FBLN7: variants seen among roughly 807,000 people sequenced by gnomAD.
FBLN7 encodes the protein fibulin-7.
FBLN7 carries 31 observed loss-of-function variants against 44.0 expected under a neutral mutation model. The observed-to-expected ratio is 0.70, with a 90% confidence interval of 0.53 to 0.95. The LOEUF (loss-of-function observed/expected upper bound fraction) is 0.95, where lower values mean the gene tolerates loss of function less well. Ranked by LOEUF, FBLN7 falls within the 40% of genes least tolerant of loss-of-function variation. FBLN7 has a pLI of 0.00. For missense variants in FBLN7, 573 were observed against 618.5 expected (o/e 0.93, Z 0.78); for synonymous variants, 262 against 253.4 (o/e 1.03, Z -0.32).
intron 3 of FBLN7, among the ~76,000 whole-genome samples, chr2:112,173,650 A>G (rs1375949175): frequency 6.6e-6 from 1 of 152,274 alleles, no homozygotes; most frequent in Non-Finnish European, 1.5e-5. Flanking sequence ...AAACTTACTT[A>G]CGTGAAGTTT....
intron 1 of FBLN7, 70 bp from the exon 2 acceptor site, chr2:112,159,606 G>A: frequency 7.1e-7 from 1 of 1,415,926 alleles, no homozygotes; most frequent in Non-Finnish European, 9.3e-7. Flanking sequence ...GGCGATTTCG[G>A]AAGCTCAGAC....
downstream of FBLN7, chr2:112,189,833 A>G (rs1000395729): frequency 2.0e-5 from 3 of 152,248 alleles, no homozygotes; most frequent in Non-Finnish European, 4.4e-5. Context: ...TCTAAAAGAC[A>G]ACTTTTAAAA....
the FBLN7 span, chr2:112,238,323 G>T: frequency 1.2e-6 from 2 of 1,613,106 alleles, no homozygotes; most frequent in Non-Finnish European, 1.7e-6. Flanking sequence ...ACCCTGTGGG[G>T]TATCTTTTAC....
chr2:112,237,549 CA>C, the FBLN7 span, among the ~76,000 whole-genome samples: 3 of 150,864 alleles, frequency 2.0e-5, no homozygotes, highest in Non-Finnish European at 1.5e-5. Flanking sequence ...GTAAAGAAAA[CA>C]ACAAAAAAAT....
the FBLN7 span, among the ~76,000 whole-genome samples, chr2:112,229,679 T>C: frequency 6.6e-6 from 1 of 152,122 alleles, no homozygotes; most frequent in Non-Finnish European, 1.5e-5. Context: ...TATATATGCA[T>C]AAAAAATAAG....
At chr2:112,199,677 G>GC in the FBLN7 span, among the ~76,000 whole-genome samples, 1 of 152,268 alleles carries the variant, frequency 6.6e-6, no homozygotes, top group East Asian at 1.9e-4. Flanking sequence ...GTTTGAATGT[G>GC]CCCCCAAATG....
At chr2:112,150,810 T>C (rs1681121393) in intron 1 of FBLN7, among the ~76,000 whole-genome samples, 1 of 152,098 alleles carries the variant, frequency 6.6e-6, no homozygotes, top group African/African-American at 2.4e-5. Context: ...AAATGCTAAA[T>C]ACGTGACAGG....
chr2:112,229,667 T>A, the FBLN7 span, among the ~76,000 whole-genome samples: 8 of 152,048 alleles, frequency 5.3e-5, no homozygotes, highest in Non-Finnish European at 1.0e-4. Context: ...TCCCAGCCAA[T>A]CTATATATGC....
the FBLN7 span, among the ~76,000 whole-genome samples, chr2:112,227,400 C>T: frequency 6.6e-6 from 1 of 152,220 alleles, no homozygotes. Flanking sequence ...TGGCAGATGC[C>T]TGCAATCCCA....
chr2:112,190,655 T>C (rs1311716438), downstream of FBLN7: 1 of 152,240 alleles, frequency 6.6e-6, no homozygotes, highest in African/African-American at 2.4e-5. Flanking sequence ...TATCTTTGGT[T>C]CTTGGGAGCT....
rs555703916 is a variant in FBLN7, at chr2:112,156,368, TTCTC to T, written c.76-3306_76-3303del. Among the ~76,000 whole-genome samples the T allele has an allele frequency of 2.8e-3, 419 of 152,316 alleles. 4 individuals carry two copies. The highest frequency in any genetic ancestry group is 1.9e-3 in the Non-Finnish European group (129 of 68,024). On this transcript the variant is annotated intron_variant, in intron 1 of 7. Coordinates refer to ENST00000331203, the MANE Select transcript of FBLN7 (RefSeq NM_153214.3). ...TGTTTGACTTTCAGCCTCCATATCT[TTCTC>T]TATGAAATGGAGACAAGCCCCGTTT...
intron 1 of FBLN7, among the ~76,000 whole-genome samples, chr2:112,150,232 G>T (rs1014423432): frequency 1.3e-5 from 2 of 152,140 alleles, no homozygotes; most frequent in Non-Finnish European, 2.9e-5. Flanking sequence ...GAGGGGCTGG[G>T]GTCAGAGAGC....
At chr2:112,185,108 C>A in intron 6 of FBLN7, 93 bp from the exon 7 acceptor site, 1 of 1,506,324 alleles carries the variant, frequency 6.6e-7, no homozygotes. Context: ...GGGAGCACCA[C>A]ATTACAGGAC....
Position 112,142,947 on chromosome 2 carries a change from T to C in FBLN7, c.75+4217T>C, listed in dbSNP as rs558945852. Among the ~76,000 whole-genome samples the C allele has an allele frequency of 1.1e-3, 171 of 152,182 alleles. 2 individuals carry two copies. The highest frequency in any genetic ancestry group is 3.5e-3 in the African/African-American group (144 of 41,524). On this transcript the variant is annotated intron_variant, in intron 1 of 7. Transcript: ENST00000331203. ...GTGTGTGTGATTGGGTATGCACATG[T>C]CTTTGTGTGTTGGTGATTGTGTCTC... is the stretch of plus-strand genomic sequence containing the variant.
chr2:112,228,953 T>C, the FBLN7 span, among the ~76,000 whole-genome samples: 2 of 152,040 alleles, frequency 1.3e-5, no homozygotes, highest in Non-Finnish European at 2.9e-5. Context: ...CATGAAAAGA[T>C]GTTCATAGTC....
intron 3 of FBLN7, among the ~76,000 whole-genome samples, chr2:112,166,955 G>A (rs773485592): frequency 1.3e-5 from 2 of 152,188 alleles, no homozygotes; most frequent in South Asian, 2.1e-4. Context: ...ATGTTGACAA[G>A]GCCTTCTTAT....
the FBLN7 span, chr2:112,233,477 C>A: frequency 2.6e-6 from 2 of 756,564 alleles, no homozygotes; most frequent in Non-Finnish European, 4.4e-6. Flanking sequence ...CAGAAAGAAC[C>A]AAAGTCTTAG....
At position 112,138,508 on chromosome 2, in the gene FBLN7, G is replaced by GGCCTCCC; in HGVS notation, c.-140_-134dup. 2 of 1,066,796 alleles carry GGCCTCCC rather than the reference G, an allele frequency of 1.9e-6. No homozygotes were observed. The highest frequency in any genetic ancestry group is 2.5e-6 in the Non-Finnish European group (2 of 790,260). The allele number at this position is 1,066,796 out of a possible 1,614,324, so 66.1% of individuals were successfully genotyped here. ...TCCCCGCGGGACGCGCTGCGCTCGG[G>GGCCTCCC]GCCTCCCGCCTCCCCCCCTGCCCCA... is the stretch of plus-strand genomic sequence containing the variant. On this transcript the variant is annotated 5_prime_UTR_variant, in exon 1 of 8. Coordinates refer to ENST00000331203, the MANE Select transcript of FBLN7 (RefSeq NM_153214.3).
the FBLN7 span, chr2:112,230,997 T>C: frequency 8.9e-7 from 1 of 1,119,758 alleles, no homozygotes; most frequent in Non-Finnish European, 1.2e-6. Flanking sequence ...CATTCATGTG[T>C]AATTCAGGTA....
Sources: allele counts gnomAD v4.1 joint callset (sites outside exome capture counted in the v4.1 genomes callset), GRCh38; gene constraint gnomAD v4.1.1; transcripts MANE v1.5; gene names NCBI Gene and HGNC (gene_info 2026-07-23, HGNC 2026-07-21).